SLC44A3: variants seen among roughly 807,000 people sequenced by gnomAD.
SLC44A3 encodes the protein choline transporter-like protein 3.
Under a neutral mutation model 75.4 loss-of-function variants are expected in SLC44A3, and 74 were observed. That is an observed-to-expected ratio of 0.98 (90% CI 0.81 to 1.19). The LOEUF (loss-of-function observed/expected upper bound fraction) is 1.19, where lower values mean the gene tolerates loss of function less well. Ranked by LOEUF, SLC44A3 falls within the 50% of genes most tolerant of loss-of-function variation. SLC44A3 has a pLI of 0.00. For missense variants in SLC44A3, 700 were observed against 778.6 expected, an observed-to-expected ratio of 0.90 and a Z score of 1.20; for synonymous variants, 310 against 296.9, an observed-to-expected ratio of 1.04 and a Z score of -0.45.
At chr1:94,840,532 C>T (rs191922306) in intron 7 of SLC44A3, among the ~76,000 whole-genome samples, 3 of 152,190 alleles carry the variant, frequency 2.0e-5, no homozygotes, top group African/African-American at 2.4e-5. Context: ...TCAAGCGATC[C>T]GCCCACCTTG....
In SLC44A3 at chr1:94,888,496, G is replaced by A. The variant is rs74101905; in HGVS notation, c.1483-2634G>A. Among the ~76,000 whole-genome samples, 1,040 of 152,300 alleles carry A rather than the reference G, an allele frequency of 6.8e-3. 15 individuals are homozygous for A. Among genetic ancestry groups the A allele is most frequent in the African/African-American group, 0.023 (969 of 41,554 alleles). On this transcript the variant is annotated intron_variant, in intron 12 of 14. Transcript: ENST00000271227. ...TTGAAGATGCCTAGTTAAATAATAT[G>A]AGTAAATGAGTTTCCACATCCCTGC... is the stretch of plus-strand genomic sequence containing the variant.
intron 12 of SLC44A3, among the ~76,000 whole-genome samples, chr1:94,890,308 T>C (rs1557895656): frequency 6.6e-6 from 1 of 152,212 alleles, no homozygotes; most frequent in Non-Finnish European, 1.5e-5. Context: ...TCAGGGTAGA[T>C]TCTGTTTGTT....
chr1:94,894,750 C>A, intron 14 of SLC44A3, 68 bp from the exon 15 acceptor site: 1 of 1,340,514 alleles, frequency 7.5e-7, no homozygotes, highest in African/African-American at 1.5e-5. Context: ...AGAAGTTTTC[C>A]CTCGGCCCCT....
intron 12 of SLC44A3, among the ~76,000 whole-genome samples, chr1:94,868,670 G>A (rs1272420949): frequency 6.6e-6 from 1 of 152,234 alleles, no homozygotes; most frequent in East Asian, 1.9e-4. Context: ...TTGCAAAAAT[G>A]TATTAACTAT....
intron 12 of SLC44A3, among the ~76,000 whole-genome samples, chr1:94,878,328 T>A (rs1226032044): frequency 6.6e-6 from 1 of 152,052 alleles, no homozygotes; most frequent in East Asian, 1.9e-4. Flanking sequence ...CTTAGTGCCC[T>A]GTCCCCAGTC....
Position 94,820,438 on chromosome 1 carries a change from C to T in SLC44A3, c.-14C>T. 1 of 1,456,264 alleles carries T rather than the reference C, an allele frequency of 6.9e-7. No homozygotes were observed. Among genetic ancestry groups the T allele is most frequent in the Non-Finnish European group, 9.0e-7 (1 of 1,107,442 alleles). 90.2% of individuals were successfully genotyped at this position (1,456,264 alleles called of 1,614,324 possible). A position where few individuals can be genotyped will look rare whatever the true frequency, so the allele number is the denominator to read the frequency against. On this transcript the variant is annotated 5_prime_UTR_variant, in exon 1 of 15. Transcript: ENST00000271227. The stretch of plus-strand genomic sequence containing the variant: ...GGCGGCTCCCAGTCACCGGCCCCCG[C>T]CGGCGAGCGCACGATGCACTGCCTG...
At chr1:94,886,474 T>C (rs859065) in intron 12 of SLC44A3, among the ~76,000 whole-genome samples, 108,425 of 151,938 alleles carry the variant, frequency 0.71, 39,569 homozygotes, top group Non-Finnish European at 0.8. Flanking sequence ...CCTGCTGGTA[T>C]GCTCATGTCT....
At chr1:94,824,759 A>G (rs36094793) in intron 3 of SLC44A3, 124 bp downstream of exon 3, 452,045 of 1,205,904 alleles carry the variant, frequency 0.37, 86,795 homozygotes, top group East Asian at 0.58. Flanking sequence ...TATAAAAAGG[A>G]AGGCTGTGTA....
At chr1:94,892,608 A>T in intron 14 of SLC44A3, 91 bp downstream of exon 14, 3 of 1,262,464 alleles carry the variant, frequency 2.4e-6, no homozygotes, top group Non-Finnish European at 2.3e-6. Flanking sequence ...GCTCATACCC[A>T]GCCTCTCTCT....
intron 3 of SLC44A3, chr1:94,826,004 A>G (rs1036628074): frequency 3.4e-5 from 15 of 446,502 alleles, no homozygotes; most frequent in Middle Eastern, 6.6e-4. Flanking sequence ...GTGTCCATCA[A>G]TGGTTGAATG....
At chr1:94,848,996 A>G (rs696621) in intron 9 of SLC44A3, among the ~76,000 whole-genome samples, 145,682 of 152,152 alleles carry the variant, frequency 0.96, 70,060 homozygotes, top group Non-Finnish European at 1. Flanking sequence ...AGGCCAGTGA[A>G]GTCAGAAAGG....
chr1:94,870,667 G>A (rs113897705), intron 12 of SLC44A3, among the ~76,000 whole-genome samples: 2,462 of 152,218 alleles, frequency 0.016, 35 homozygotes, highest in Non-Finnish European at 0.026. Context: ...CAGTTGTTAG[G>A]TTTTTTGTTT....
intron 3 of SLC44A3, among the ~76,000 whole-genome samples, chr1:94,826,493 A>T (rs1473794382): frequency 6.6e-6 from 1 of 152,174 alleles, no homozygotes; most frequent in East Asian, 1.9e-4. Flanking sequence ...TCTACTAGAA[A>T]TACAAAAATT....
intron 12 of SLC44A3, among the ~76,000 whole-genome samples, chr1:94,870,287 A>G (rs1667612592): frequency 6.6e-6 from 1 of 152,256 alleles, no homozygotes; most frequent in African/African-American, 2.4e-5. Flanking sequence ...GACCAGGACC[A>G]TGGTGATACA....
At chr1:94,824,938 T>C (rs7512591) in intron 3 of SLC44A3, among the ~76,000 whole-genome samples, 90,679 of 152,112 alleles carry the variant, frequency 0.6, 27,248 homozygotes, top group South Asian at 0.67. Context: ...GTTTTAAGGA[T>C]TCATGAGACA....
intron 9 of SLC44A3, among the ~76,000 whole-genome samples, chr1:94,851,213 A>G (rs533796801): frequency 6.6e-6 from 1 of 152,118 alleles, no homozygotes; most frequent in African/African-American, 2.4e-5. Context: ...TAAATTTCTC[A>G]GCCATACTTA....
intron 12 of SLC44A3, among the ~76,000 whole-genome samples, chr1:94,876,067 C>T (rs1668250121): frequency 6.6e-6 from 1 of 152,230 alleles, no homozygotes; most frequent in Non-Finnish European, 1.5e-5. Context: ...TATGCCCTCC[C>T]ACCCACAGGT....
chr1:94,892,398 C>T lies in SLC44A3; in HGVS notation c.1738C>T (p.His580Tyr). The T allele has an allele frequency of 6.2e-7, 1 of 1,614,116 alleles. No individual in the cohort carries two copies. Among genetic ancestry groups the T allele is most frequent in the Non-Finnish European group, 8.5e-7 (1 of 1,180,024 alleles). Residue 580 changes from histidine (H) to tyrosine (Y), a missense_variant, in exon 14 of 15, where the codon CAT becomes TAT. Coordinates refer to ENST00000271227, the MANE Select transcript of SLC44A3 (RefSeq NM_001114106.3). ...AGCTTTTTTTGCCTACTTAGTAGCC[C>T]ATAGTTTTTTATCTGTGTTTGAAAC... ...LVAFFAYLVA[H>Y]SFLSVFETVL...
intron 9 of SLC44A3, among the ~76,000 whole-genome samples, chr1:94,855,839 T>C (rs1282111295): frequency 2.0e-5 from 3 of 152,182 alleles, no homozygotes; most frequent in African/African-American, 4.8e-5. Context: ...GCAGGAAATA[T>C]GAAACAATCT....
Sources: gnomAD v4.1 joint callset for allele counts (sites outside exome capture counted in the v4.1 genomes callset) on GRCh38, gnomAD v4.1.1 for gene constraint, MANE v1.5 for transcripts, NCBI Gene and HGNC (gene_info 2026-07-23, HGNC 2026-07-21) for gene names.